The following LRRC69 variants were observed in gnomAD, a reference collection of about 807,000 sequenced individuals.
LRRC69 encodes leucine rich repeat containing 69.
LRRC69 carries 42 observed loss-of-function variants against 37.8 expected under a neutral mutation model. That is an observed-to-expected ratio of 1.11 (90% CI 0.87 to 1.44). The LOEUF is 1.44. Ranked by LOEUF, LRRC69 falls within the 40% of genes most tolerant of loss-of-function variation. The probability of loss-of-function intolerance (pLI) is 0.00; values close to 1 mark genes in which losing one functional copy is unlikely to be tolerated. For synonymous variants in LRRC69, 141 were observed against 143.1 expected (o/e 0.99, Z 0.11); for missense variants, 357 against 401.9 (o/e 0.89, Z 0.96).
chr8:91,104,719 C>T (rs1255307087), intron 1 of LRRC69, among the ~76,000 whole-genome samples: 2 of 151,956 alleles, frequency 1.3e-5, no homozygotes. Context: ...CCCACTGTTT[C>T]CTGTATCCTG....
At chr8:91,162,003 C>A (rs903616543) in intron 5 of LRRC69, among the ~76,000 whole-genome samples, 1 of 151,268 alleles carries the variant, frequency 6.6e-6, no homozygotes, top group Admixed American at 6.6e-5. Flanking sequence ...TTCTTAATTT[C>A]TTTATTCACC....
intron 6 of LRRC69, among the ~76,000 whole-genome samples, chr8:91,190,391 C>T (rs1489015344): frequency 6.6e-6 from 1 of 151,376 alleles, no homozygotes; most frequent in African/African-American, 2.4e-5. Context: ...AAGTTTCTTA[C>T]TACAAAAGTA....
intron 5 of LRRC69, among the ~76,000 whole-genome samples, chr8:91,164,577 A>T (rs973414911): frequency 6.6e-6 from 1 of 151,746 alleles, no homozygotes; most frequent in African/African-American, 2.4e-5. Context: ...AAGGATATGT[A>T]AAGTTGCTAT....
intron 6 of LRRC69, among the ~76,000 whole-genome samples, chr8:91,196,006 C>A (rs1211099137): frequency 6.6e-6 from 1 of 152,118 alleles, no homozygotes; most frequent in Admixed American, 6.5e-5. Flanking sequence ...CCATGTTTAG[C>A]GCTTCCTTCA....
intron 6 of LRRC69, among the ~76,000 whole-genome samples, chr8:91,199,091 C>G (rs1586282916): frequency 6.6e-6 from 1 of 152,184 alleles, no homozygotes; most frequent in Non-Finnish European, 1.5e-5. Context: ...CTTCTGTCAT[C>G]TGCTATTTTG....
intron 1 of LRRC69, among the ~76,000 whole-genome samples, chr8:91,107,260 G>A (rs7816107): frequency 0.54 from 82,183 of 151,280 alleles, 23,044 homozygotes; most frequent in South Asian, 0.67. Context: ...TCAGCCTCCC[G>A]AGTGGCTGGG....
intron 5 of LRRC69, among the ~76,000 whole-genome samples, chr8:91,149,122 C>T (rs74810432): frequency 0.048 from 7,310 of 150,748 alleles, 254 homozygotes; most frequent in Middle Eastern, 0.15. Context: ...CTTTTGTTGC[C>T]ATTGCTTTTG....
intron 4 of LRRC69, among the ~76,000 whole-genome samples, chr8:91,133,874 C>A (rs779608304): frequency 6.6e-5 from 10 of 151,948 alleles, no homozygotes; most frequent in African/African-American, 1.9e-4. Context: ...TCTCGTGATC[C>A]GCCCACCTCG....
intron 7 of LRRC69, among the ~76,000 whole-genome samples, chr8:91,202,179 C>A (rs572099844): frequency 7.5e-4 from 114 of 152,090 alleles, no homozygotes; most frequent in Non-Finnish European, 1.4e-3. Context: ...GCACTCCAGC[C>A]TAGGCAACAG....
intron 5 of LRRC69, among the ~76,000 whole-genome samples, chr8:91,180,854 C>T (rs1280783205): frequency 6.6e-6 from 1 of 151,926 alleles, no homozygotes; most frequent in African/African-American, 2.4e-5. Context: ...AAGAGAATGA[C>T]AGTGAGAGAT....
At chr8:91,148,428 C>T (rs1808663851) in intron 5 of LRRC69, among the ~76,000 whole-genome samples, 1 of 151,884 alleles carries the variant, frequency 6.6e-6, no homozygotes, top group Non-Finnish European at 1.5e-5. Context: ...TTTTTTATGG[C>T]TGCATAGTAT....
chr8:91,206,600 T>G, intron 7 of LRRC69: 4 of 1,105,378 alleles, frequency 3.6e-6, no homozygotes, highest in Non-Finnish European at 4.8e-6. Flanking sequence ...TCTGAACACC[T>G]TAGACAAGTT....
intron 1 of LRRC69, among the ~76,000 whole-genome samples, chr8:91,114,679 A>G (rs1472827446): frequency 6.6e-6 from 1 of 152,046 alleles, no homozygotes; most frequent in Non-Finnish European, 1.5e-5. Context: ...TTTTAGCCTA[A>G]GAGCAATAGA....
intron 5 of LRRC69, among the ~76,000 whole-genome samples, chr8:91,176,134 A>ATATATATATATATATTT: frequency 4.0e-5 from 3 of 75,698 alleles, no homozygotes; most frequent in African/African-American, 1.8e-4. Flanking sequence ...ATATATATAT[A>ATATATATATATATATTT]TTTTTTTTTT....
rs1432589642 is a variant in LRRC69, at chr8:91,133,185, G to C, written c.459G>C (p.Glu153Asp). 1.9e-6 allele frequency: 3 copies of C among 1,544,630 alleles called. No individual in the cohort carries two copies. The East Asian group carries it at 7.4e-5, about 38-fold the overall frequency. ...TTCCTAGAGAACTTTGTTTTCTTGA[G>C]AATCTTGTTGAACTTCAACTTAACT... The change falls in exon 4 of 8, where the codon GAG (glutamate) becomes GAC (aspartate). Residue 153 changes from glutamate (E) to aspartate (D), a missense_variant. Physicochemically the swap from Glu to Asp is conservative, Grantham distance 45. Transcript: ENST00000448384.
exon 4 of LRRC69, chr8:91,133,149 A>G (rs1420900725): frequency 1.3e-6 from 2 of 1,530,342 alleles, no homozygotes; most frequent in South Asian, 1.2e-5. Context: ...ATTATAACCA[A>G]CTAGCCAGCA....
At chr8:91,169,496 G>C (rs1025968853) in intron 5 of LRRC69, among the ~76,000 whole-genome samples, 7 of 151,124 alleles carry the variant, frequency 4.6e-5, no homozygotes, top group Non-Finnish European at 8.8e-5. Context: ...AAAGGAGCAT[G>C]AGTACATGTA....
At chr8:91,215,646 A>C (rs1427094899) in intron 7 of LRRC69, among the ~76,000 whole-genome samples, 1 of 152,188 alleles carries the variant, frequency 6.6e-6, no homozygotes, top group Non-Finnish European at 1.5e-5. Flanking sequence ...TATTTTTTCA[A>C]AATAAAAGCA....
intron 5 of LRRC69, among the ~76,000 whole-genome samples, chr8:91,183,404 C>T (rs1025874910): frequency 2.6e-5 from 4 of 152,068 alleles, no homozygotes; most frequent in African/African-American, 4.8e-5. Context: ...AGATATTTAA[C>T]AGGTAAATTT....
Sources: gnomAD v4.1 joint callset for allele counts (sites outside exome capture counted in the v4.1 genomes callset) on GRCh38, gnomAD v4.1.1 for gene constraint, MANE v1.5 for transcripts, NCBI Gene and HGNC (gene_info 2026-07-23, HGNC 2026-07-21) for gene names.